The following BCL9 variants were observed in gnomAD, a reference collection of about 807,000 sequenced individuals.
BCL9 encodes B-cell CLL/lymphoma 9 protein.
BCL9 carries 25 observed loss-of-function variants against 88.5 expected under a neutral mutation model. The ratio of observed to expected loss-of-function variants is 0.28; its 90% CI spans 0.21 to 0.39. The LOEUF (loss-of-function observed/expected upper bound fraction) is 0.39, where lower values mean the gene tolerates loss of function less well. Ranked by LOEUF, BCL9 falls within the 10% of genes least tolerant of loss-of-function variation. BCL9 has a pLI of 1.00. For missense variants in BCL9, 1,817 were observed against 1,877.8 expected, an observed-to-expected ratio of 0.97 and a Z score of 0.60; for synonymous variants, 711 against 673.3, an observed-to-expected ratio of 1.06 and a Z score of -0.87.
At chr1:147,612,767 G>A in intron 4 of BCL9, 116 bp from the exon 5 acceptor site, 1 of 973,226 alleles carries the variant, frequency 1.0e-6, no homozygotes, top group Non-Finnish European at 1.5e-6. Flanking sequence ...GAATCATGGG[G>A]TGGTTATTTT....
At chr1:147,609,073 A>G (rs1469696659) in intron 3 of BCL9, among the ~76,000 whole-genome samples, 1 of 152,224 alleles carries the variant, frequency 6.6e-6, no homozygotes, top group Non-Finnish European at 1.5e-5. Flanking sequence ...AAAAATTTTA[A>G]GTACTAATTT....
At position 147,620,458 on chromosome 1, in the gene BCL9, C is replaced by T; in HGVS notation, c.2303C>T (p.Pro768Leu). 3.7e-6 allele frequency: 6 copies of T among 1,614,088 alleles called. No homozygotes were observed. The highest frequency in any genetic ancestry group is 5.1e-6 in the Non-Finnish European group (6 of 1,179,992). ...GCTCAGCAGAAGATGGTGCCACTGC[C>T]ATTTGGTGAGCACCCCCAGCAGGAG... ...LPAQQKMVPL[P>L]FGEHPQQEYG... is the part of the protein sequence containing the mutation. Residue 768 changes from proline to leucine, a missense_variant, in exon 8 of 10, where the codon CCA (proline) becomes CTA (leucine). By Grantham distance (98) the Pro-to-Leu change is moderately conservative (BLOSUM62 -3). This residue lies in a region of BCL9 where 1,228 missense variants were observed against 1,191.6 expected (regional missense o/e 1.03). Transcript: ENST00000234739.
At chr1:147,591,116 C>T (rs1553199856) in intron 1 of BCL9, among the ~76,000 whole-genome samples, 1 of 152,064 alleles carries the variant, frequency 6.6e-6, no homozygotes, top group East Asian at 1.9e-4. Flanking sequence ...TTACCCTCTC[C>T]ATTTGGGTTT....
At position 147,620,323 on chromosome 1, in the gene BCL9, A is replaced by T. The variant is rs1553204988; in HGVS notation, c.2168A>T (p.Asn723Ile). Residue 723 changes from asparagine (N) to isoleucine (I), a missense_variant, in exon 8 of 10, where the codon AAT (asparagine) becomes ATT (isoleucine). Transcript: ENST00000234739. ...PSGMKGDVNLNVNMGSNSQMI... is the reference protein window; with the variant it reads ...PSGMKGDVNLIVNMGSNSQMI... ...GGGATGAAGGGAGATGTCAATCTAAATGTCAACATGGGATCCAACTCTCAG... is the reference window on the plus strand; with the variant it reads ...GGGATGAAGGGAGATGTCAATCTAATTGTCAACATGGGATCCAACTCTCAG... 6.2e-7 allele frequency: 1 copy of T among 1,614,222 alleles called. No homozygotes were observed. Among genetic ancestry groups the T allele is most frequent in the Non-Finnish European group, 8.5e-7 (1 of 1,180,038 alleles).
intron 1 of BCL9, among the ~76,000 whole-genome samples, chr1:147,601,263 A>G (rs1553201247): frequency 2.0e-5 from 3 of 152,362 alleles, no homozygotes; most frequent in African/African-American, 4.8e-5. Flanking sequence ...GGACATAACT[A>G]TCTCTTAGTG....
rs1241216349 is a variant in BCL9 at position 147,620,604 on chromosome 1, A to G, written c.2449A>G (p.Met817Val). ...GAGGACTAACAGCCGGCTCAGTCAT[A>G]TGCCACCACTACCTCTCAACCCTTC... is the stretch of plus-strand genomic sequence containing the variant. Reference protein sequence around the residue: ...DQRTNSRLSHMPPLPLNPSSN... With the variant: ...DQRTNSRLSHVPPLPLNPSSN... Residue 817 changes from methionine to valine, a missense_variant, in exon 8 of 10, where the codon ATG becomes GTG. By Grantham distance (21) the Met-to-Val change is conservative (BLOSUM62 1). Around this residue, in one of 2 missense-constraint regions of BCL9, gnomAD observed 1,228 missense variants for 1,191.6 expected, o/e 1.03. Transcript: ENST00000234739. 4.3e-6 allele frequency: 7 copies of G among 1,614,028 alleles called. No homozygotes were observed. In the South Asian group the frequency reaches 6.6e-5, roughly 15 times the overall value.
intron 8 of BCL9, among the ~76,000 whole-genome samples, chr1:147,621,595 G>A (rs1282879242): frequency 6.6e-6 from 1 of 152,164 alleles, no homozygotes; most frequent in Non-Finnish European, 1.5e-5. Flanking sequence ...AGAGATTCTT[G>A]CTGATGATGA....
At chr1:147,583,443 A>G (rs1416594151) in intron 1 of BCL9, among the ~76,000 whole-genome samples, 1 of 151,582 alleles carries the variant, frequency 6.6e-6, no homozygotes, top group African/African-American at 2.4e-5. Flanking sequence ...ATGCCCAGCT[A>G]ATTTTTGTAT....
rs1263835484 is a variant in BCL9, at chr1:147,608,330, C to CCTTT, written c.-260+1464_-260+1465insCTTT. Among the ~76,000 whole-genome samples the CCTTT allele has an allele frequency of 7.9e-5, 8 of 101,054 alleles. No homozygotes were observed. In the East Asian group the frequency reaches 1.1e-3, roughly 14 times the overall value. 66.3% of individuals were successfully genotyped at this position (101,054 alleles called of 152,430 possible). A position where few individuals can be genotyped will look rare whatever the true frequency, so the allele number is the denominator to read the frequency against. ...AATGCTAGACCTGGGTTTTGTTTTGCTTTTTTTTTTTTTTTTTTTTAGCAC... is the reference window on the plus strand; with the variant it reads ...AATGCTAGACCTGGGTTTTGTTTTGCCTTTTTTTTTTTTTTTTTTTTTTTAGCAC... On this transcript the variant is annotated intron_variant, in intron 3 of 9. Coordinates refer to ENST00000234739, the MANE Select transcript of BCL9 (RefSeq NM_004326.4).
chr1:147,598,377 C>T (rs1553200689), intron 1 of BCL9, among the ~76,000 whole-genome samples: 6 of 152,166 alleles, frequency 3.9e-5, no homozygotes. Flanking sequence ...AGAGAAAATA[C>T]CTTGCCACAG....
chr1:147,572,631 G>A (rs1382377740), intron 1 of BCL9, among the ~76,000 whole-genome samples: 1 of 152,254 alleles, frequency 6.6e-6, no homozygotes, highest in Non-Finnish European at 1.5e-5. Context: ...CCAGGCTGGA[G>A]TGCAGTGGCA....
rs61729410 is a variant in BCL9, at chr1:147,619,199, C to T, written c.1044C>T (p.Pro348=). ...AGCCCCCCACACTGGGAGAGAATCC[C>T]GATGGCCTATCTCAGGAGCAGCTGG... ...SGEPPTLGEN[P]DGLSQEQLEH... is the part of the protein sequence containing the mutation. Residue 348 remains proline (P), a synonymous_variant, in exon 8 of 10, where the codon CCC becomes CCT. Transcript: ENST00000234739. This position sits in a 1 kb window ranked among gnomAD's most constrained non-coding sequence, Gnocchi z 4.1. 1,863 of 1,613,848 alleles carry T rather than the reference C, an allele frequency of 1.2e-3. 10 individuals are homozygous for T. Among genetic ancestry groups the T allele is most frequent in the South Asian group, 6.5e-3 (590 of 91,032 alleles).
chr1:147,562,291 T>C (rs1655413357), intron 1 of BCL9, among the ~76,000 whole-genome samples: 1 of 152,062 alleles, frequency 6.6e-6, no homozygotes, highest in Non-Finnish European at 1.5e-5. Context: ...ATCTCACCAT[T>C]GCACTCCAGA....
At chr1:147,543,506 A>C (rs1654423017) in intron 1 of BCL9, among the ~76,000 whole-genome samples, 1 of 152,242 alleles carries the variant, frequency 6.6e-6, no homozygotes, top group African/African-American at 2.4e-5. Context: ...GGATCTGGCA[A>C]GAAGGTCCCC....
At chr1:147,578,070 G>A (rs1348615787) in intron 1 of BCL9, among the ~76,000 whole-genome samples, 1 of 152,096 alleles carries the variant, frequency 6.6e-6, no homozygotes, top group Non-Finnish European at 1.5e-5. Flanking sequence ...CCCTCTCAAG[G>A]AATAGCTCTT....
At chr1:147,553,376 C>T (rs782055622) in intron 1 of BCL9, among the ~76,000 whole-genome samples, 7 of 152,150 alleles carry the variant, frequency 4.6e-5, no homozygotes, top group East Asian at 1.9e-4. Context: ...ACATTCTGCA[C>T]GGTCTTTTTC....
At chr1:147,570,827 G>T (rs1570839149) in intron 1 of BCL9, among the ~76,000 whole-genome samples, 1 of 151,918 alleles carries the variant, frequency 6.6e-6, no homozygotes, top group South Asian at 2.1e-4. Flanking sequence ...TAGAGATGGG[G>T]TTTCTCCATG....
intron 1 of BCL9, among the ~76,000 whole-genome samples, chr1:147,558,469 G>A (rs1181671869): frequency 3.3e-5 from 5 of 152,072 alleles, no homozygotes; most frequent in South Asian, 2.1e-4. Flanking sequence ...GAAATCTTGC[G>A]TTCCTTGGTC....
In BCL9 at chr1:147,620,287, T is replaced by C; in HGVS notation, c.2132T>C (p.Met711Thr). 6.2e-7 allele frequency: 1 copy of C among 1,614,078 alleles called. No individual in the cohort carries two copies. The highest frequency in any genetic ancestry group is 1.6e-4 in the Middle Eastern group (1 of 6,062). Residue 711 changes from methionine to threonine, a missense_variant, in exon 8 of 10, where the codon ATG becomes ACG. By Grantham distance (81) the Met-to-Thr change is moderately conservative. Around this residue, in one of 2 missense-constraint regions of BCL9, gnomAD observed 1,228 missense variants for 1,191.6 expected, o/e 1.03. Coordinates refer to ENST00000234739, the MANE Select transcript of BCL9 (RefSeq NM_004326.4). ...MGPGRELEFGMVPSGMKGDVN... is the reference protein window; with the variant it reads ...MGPGRELEFGTVPSGMKGDVN... ...CCTGGTCGGGAACTTGAGTTTGGGA[T>C]GGTTCCTAGTGGGATGAAGGGAGAT...
Sources: gnomAD v4.1 joint callset for allele counts (sites outside exome capture counted in the v4.1 genomes callset) on GRCh38, gnomAD v4.1.1 for gene constraint, gnomAD v4.1.1 regional missense constraint, Gnocchi (gnomAD v3.1) non-coding constraint, MANE v1.5 for transcripts, NCBI Gene and HGNC (gene_info 2026-07-23, HGNC 2026-07-21) for gene names.